Variants in PRRX2 observed in about 807,000 individuals in gnomAD.
PRRX2 encodes paired mesoderm homeobox protein 2.
In PRRX2, 11 loss-of-function variants were observed where a neutral mutation model predicts 18.0. The ratio of observed to expected loss-of-function variants is 0.61; its 90% CI spans 0.39 to 1.01. The LOEUF is 1.01. Among genes scored for constraint, PRRX2 ranks in the 50% least tolerant of loss-of-function variants. The pLI, the probability that PRRX2 is intolerant of heterozygous loss-of-function variation, is 0.01. For missense variants in PRRX2, 387 were observed against 351.0 expected (o/e 1.10, Z -0.82); for synonymous variants, 177 against 154.8 (o/e 1.14, Z -1.06).
rs1832652342 is a variant in PRRX2 at position 129,713,123 on chromosome 9, C to T, written c.260-6108C>T. ...AGTTCTGGTCCGCGGGGAGGTGCTG[C>T]CTGGGTCCTCCTCCCCGTCCGCGTT... On this transcript the variant is annotated intron_variant, in intron 1 of 3. Coordinates refer to ENST00000372469, the MANE Select transcript of PRRX2 (RefSeq NM_016307.4). 3 of 152,306 alleles carry T rather than the reference C, an allele frequency of 2.0e-5. No individual in the cohort carries two copies. The South Asian group carries it at 6.2e-4, about 32-fold the overall frequency. 9.4% of individuals were successfully genotyped at this position (152,306 alleles called of 1,614,324 possible). A position where few individuals can be genotyped will look rare whatever the true frequency, so the allele number is the denominator to read the frequency against.
At chr9:129,681,194 C>G (rs1287253882) in intron 1 of PRRX2, among the ~76,000 whole-genome samples, 1 of 152,226 alleles carries the variant, frequency 6.6e-6, no homozygotes, top group Non-Finnish European at 1.5e-5. Flanking sequence ...CCTTTTCTGC[C>G]TAGGACACTG....
intron 1 of PRRX2, among the ~76,000 whole-genome samples, chr9:129,699,417 C>A (rs957226473): frequency 6.6e-6 from 1 of 150,638 alleles, no homozygotes; most frequent in African/African-American, 2.5e-5. Context: ...GGGCAAGACT[C>A]TGTCTCAAAA....
intron 1 of PRRX2, among the ~76,000 whole-genome samples, chr9:129,713,531 C>A (rs1832658587): frequency 6.6e-6 from 1 of 152,168 alleles, no homozygotes; most frequent in South Asian, 2.1e-4. Context: ...CGCTGCTGAG[C>A]CTGGGAGCGA....
intron 1 of PRRX2, among the ~76,000 whole-genome samples, chr9:129,711,582 A>G (rs867890880): frequency 7.9e-5 from 12 of 151,226 alleles, no homozygotes; most frequent in Middle Eastern, 6.8e-3. Context: ...ATTTTTTTGT[A>G]CTTTTAGTAG....
chr9:129,671,257 G>A lies in PRRX2; in HGVS notation c.259+5131G>A, dbSNP rs1266023152. On this transcript the variant is annotated intron_variant, in intron 1 of 3. Transcript: ENST00000372469. The surrounding 1 kb of genome is among the most constrained non-coding windows in gnomAD (Gnocchi z 4.0). Reference sequence around the variant, plus strand: ...GAGTGAGAGGCTGAGTGCCCAGGGGGCCTTCCGTTTGGGAACTGCTGGGCC... The same window carrying A: ...GAGTGAGAGGCTGAGTGCCCAGGGGACCTTCCGTTTGGGAACTGCTGGGCC... Among the ~76,000 whole-genome samples the A allele has an allele frequency of 1.3e-5, 2 of 152,210 alleles. No individual in the cohort carries two copies. Among genetic ancestry groups the A allele is most frequent in the African/African-American group, 4.8e-5 (2 of 41,450 alleles).
intron 2 of PRRX2, 36 bp from the exon 3 acceptor site, chr9:129,720,560 G>T (rs376182405): frequency 6.4e-7 from 1 of 1,555,778 alleles, no homozygotes; most frequent in Non-Finnish European, 8.7e-7. Flanking sequence ...GGTCCCCCCT[G>T]CCCATGCTGC....
At chr9:129,700,710 C>T (rs1023027578) in intron 1 of PRRX2, among the ~76,000 whole-genome samples, 4 of 152,070 alleles carry the variant, frequency 2.6e-5, no homozygotes, top group African/African-American at 4.8e-5. Context: ...CTTCATCTCC[C>T]GGGCTCAAGT....
chr9:129,674,319 G>A (rs1485098617), intron 1 of PRRX2, among the ~76,000 whole-genome samples: 1 of 152,156 alleles, frequency 6.6e-6, no homozygotes, highest in Non-Finnish European at 1.5e-5. Flanking sequence ...TCCTAAAAAT[G>A]AAGCAGTCTC....
At chr9:129,686,864 G>T (rs1161255282) in intron 1 of PRRX2, among the ~76,000 whole-genome samples, 1 of 152,180 alleles carries the variant, frequency 6.6e-6, no homozygotes, top group African/African-American at 2.4e-5. Context: ...TCGGGGGAGG[G>T]CCTTGATGGG....
intron 1 of PRRX2, among the ~76,000 whole-genome samples, chr9:129,693,201 A>G (rs1444946730): frequency 6.6e-6 from 1 of 152,068 alleles, no homozygotes; most frequent in East Asian, 1.9e-4. Context: ...CTTTTTGGTG[A>G]GGTGTCTGCT....
chr9:129,673,099 A>G (rs1449426598), intron 1 of PRRX2, among the ~76,000 whole-genome samples: 1 of 152,130 alleles, frequency 6.6e-6, no homozygotes, highest in African/African-American at 2.4e-5. Context: ...TCACAGCCCT[A>G]TGTTCCCACC....
intron 1 of PRRX2, among the ~76,000 whole-genome samples, chr9:129,707,722 A>G (rs1232015986): frequency 6.7e-6 from 1 of 149,146 alleles, no homozygotes; most frequent in Non-Finnish European, 1.5e-5. Flanking sequence ...ACCCAGGAGG[A>G]GGAGGTTGCA....
intron 1 of PRRX2, among the ~76,000 whole-genome samples, chr9:129,669,871 C>T (rs1832078260): frequency 6.6e-6 from 1 of 151,820 alleles, no homozygotes; most frequent in Admixed American, 6.6e-5. Flanking sequence ...CCATTTTCAC[C>T]ATTTACAAGA....
intron 1 of PRRX2, among the ~76,000 whole-genome samples, chr9:129,714,774 G>A (rs949285901): frequency 2.0e-5 from 3 of 152,150 alleles, no homozygotes; most frequent in African/African-American, 7.2e-5. Flanking sequence ...ACACCCCCAG[G>A]TTTGAATTGC....
intron 1 of PRRX2, among the ~76,000 whole-genome samples, chr9:129,688,984 G>A (rs1832326761): frequency 6.6e-6 from 1 of 152,236 alleles, no homozygotes; most frequent in African/African-American, 2.4e-5. Flanking sequence ...AATCTTTTCA[G>A]GTTGGGTCTC....
chr9:129,683,894 A>G (rs1023815235), intron 1 of PRRX2, among the ~76,000 whole-genome samples: 23 of 152,274 alleles, frequency 1.5e-4, no homozygotes, highest in Middle Eastern at 3.4e-3. Context: ...AAAGCCCAGG[A>G]TCAGACTTCA....
At chr9:129,683,122 C>T (rs1293800423) in intron 1 of PRRX2, among the ~76,000 whole-genome samples, 2 of 151,952 alleles carry the variant, frequency 1.3e-5, no homozygotes, top group Non-Finnish European at 2.9e-5. Context: ...AAAAAATTCC[C>T]TCTGGCTATG....
At chr9:129,722,096 G>C in intron 3 of PRRX2, 121 bp from the exon 4 acceptor site, 4 of 1,408,630 alleles carry the variant, frequency 2.8e-6, no homozygotes, top group Non-Finnish European at 3.8e-6. Context: ...CCCAGTCCTG[G>C]GTGAAGGCTG....
intron 3 of PRRX2, among the ~76,000 whole-genome samples, chr9:129,721,011 G>A (rs532333700): frequency 0.018 from 2,755 of 149,932 alleles, 87 homozygotes; most frequent in African/African-American, 0.065. Flanking sequence ...GTACATGTGG[G>A]CACACATGAC....
Sources: gnomAD v4.1 joint callset for allele counts (sites outside exome capture counted in the v4.1 genomes callset) on GRCh38, gnomAD v4.1.1 for gene constraint, Gnocchi (gnomAD v3.1) non-coding constraint, MANE v1.5 for transcripts, NCBI Gene and HGNC (gene_info 2026-07-23, HGNC 2026-07-21) for gene names.